Variants in DMD observed in about 807,000 individuals in gnomAD.
DMD encodes the protein dystrophin.
In DMD, 63 loss-of-function variants were observed where a neutral mutation model predicts 330.1. The observed-to-expected ratio is 0.19, with a 90% CI of 0.16 to 0.24. The LOEUF (loss-of-function observed/expected upper bound fraction) is 0.24. Ranked by LOEUF, DMD falls within the 10% of genes least tolerant of loss-of-function variation. The pLI is 1.00. For synonymous variants in DMD, 1,223 were observed against 959.8 expected (o/e 1.27, Z -5.07); for missense variants, 3,344 against 2,684.1 (o/e 1.25, Z -5.43).
chrX:32,952,161 TCTCA>T (rs2091289280), intron 2 of DMD, among the ~76,000 whole-genome samples: 1 of 108,571 alleles, frequency 9.2e-6, no homozygotes, highest in Non-Finnish European at 1.9e-5. Context: ...TGAGACTCAG[TCTCA>T]CTCTGTCGCC....
chrX:32,783,657 C>A (rs776232793), intron 7 of DMD, among the ~76,000 whole-genome samples: 29 of 109,770 alleles, frequency 2.6e-4, no homozygotes, highest in South Asian at 1.2e-3. Context: ...TATTTACGTA[C>A]TATTTATATT....
chrX:33,134,039 A>AT (rs2095513018), intron 1 of DMD, among the ~76,000 whole-genome samples: 1 of 111,820 alleles, frequency 8.9e-6, no homozygotes, highest in African/African-American at 3.3e-5. Flanking sequence ...ACCAAAAATC[A>AT]TTTTAGAATT....
chrX:32,867,948 C>T (rs1236062502), intron 2 of DMD, among the ~76,000 whole-genome samples: 1 of 110,886 alleles, frequency 9.0e-6, no homozygotes, highest in Non-Finnish European at 1.9e-5. Flanking sequence ...GCCAAGATGA[C>T]CAACTAGGAA....
chrX:31,240,109 A>G (rs775274883), intron 63 of DMD, among the ~76,000 whole-genome samples: 1 of 111,223 alleles, frequency 9.0e-6, no homozygotes, highest in Non-Finnish European at 1.9e-5. Context: ...AACTTCGTAC[A>G]TTTATTTCTG....
chrX:32,124,524 T>A (rs2096652541), intron 44 of DMD, among the ~76,000 whole-genome samples: 1 of 112,271 alleles, frequency 8.9e-6, no homozygotes, highest in African/African-American at 3.2e-5. Context: ...GGAGCTCTTT[T>A]TTGGATACAT....
chrX:31,380,985 A>C (rs2060151254), intron 60 of DMD, among the ~76,000 whole-genome samples: 1 of 111,170 alleles, frequency 9.0e-6, no homozygotes, highest in African/African-American at 3.3e-5. Context: ...ATGTCTGACT[A>C]ATCTCCCAAA....
At chrX:32,733,148 G>T (rs1222722408) in intron 7 of DMD, among the ~76,000 whole-genome samples, 1 of 109,107 alleles carries the variant, frequency 9.2e-6, no homozygotes, top group Non-Finnish European at 1.9e-5. Context: ...AACCAACAAA[G>T]ATCAAAAGAG....
At chrX:32,529,290 A>T (rs751719825) in intron 17 of DMD, among the ~76,000 whole-genome samples, 116 of 107,336 alleles carry the variant, frequency 1.1e-3, no homozygotes, top group African/African-American at 3.8e-3. Flanking sequence ...TGTAAAACCA[A>T]GCTGCACCCC....
chrX:32,946,910 A>G (rs969425263), intron 2 of DMD, among the ~76,000 whole-genome samples: 2 of 112,076 alleles, frequency 1.8e-5, no homozygotes, highest in Admixed American at 1.9e-4. Context: ...GGCATCTGTA[A>G]GTTTTAAAGA....
At chrX:32,485,646 T>C (rs188199789) in intron 20 of DMD, among the ~76,000 whole-genome samples, 199 of 106,813 alleles carry the variant, frequency 1.9e-3, no homozygotes, top group Admixed American at 5.0e-3. Flanking sequence ...TACATATGTA[T>C]GTACACACCC....
At chrX:32,732,024 G>A (rs960448046) in intron 7 of DMD, among the ~76,000 whole-genome samples, 6 of 111,463 alleles carry the variant, frequency 5.4e-5, no homozygotes, top group Non-Finnish European at 7.5e-5. Flanking sequence ...AAAACATTTA[G>A]AAGAATGTAT....
At chrX:32,405,444 A>T (rs1194896568) in intron 30 of DMD, among the ~76,000 whole-genome samples, 2 of 111,281 alleles carry the variant, frequency 1.8e-5, no homozygotes, top group Non-Finnish European at 3.8e-5. Context: ...GTACTTTGGA[A>T]ATAATCCTAG....
intron 18 of DMD, among the ~76,000 whole-genome samples, chrX:32,516,137 G>A (rs1313547324): frequency 9.0e-6 from 1 of 111,250 alleles, no homozygotes; most frequent in African/African-American, 3.3e-5. Context: ...CATGACACGA[G>A]CCTGCCATGA....
At chrX:31,158,713 T>C (rs1365898645) in intron 74 of DMD, among the ~76,000 whole-genome samples, 2 of 112,166 alleles carry the variant, frequency 1.8e-5, no homozygotes, top group Non-Finnish European at 3.8e-5. Flanking sequence ...TTATTTCTTA[T>C]AGCACAAAAG....
chrX:32,041,945 T>C (rs1361425513), intron 44 of DMD, among the ~76,000 whole-genome samples: 1 of 101,277 alleles, frequency 9.9e-6, no homozygotes, highest in Non-Finnish European at 2.0e-5. Context: ...GCTAGTTTTA[T>C]TTCTATTTAG....
chrX:31,728,726 T>TG (rs1263402683), intron 52 of DMD, among the ~76,000 whole-genome samples: 1 of 111,290 alleles, frequency 9.0e-6, no homozygotes, highest in East Asian at 2.8e-4. Context: ...AAAAAAAAGA[T>TG]GGCTGAAAGG....
At chrX:32,482,169 A>AT (rs1176532751) in intron 21 of DMD, among the ~76,000 whole-genome samples, 5 of 111,523 alleles carry the variant, frequency 4.5e-5, no homozygotes, top group Admixed American at 3.8e-4. Flanking sequence ...ATAAGGTTTC[A>AT]TTTTTTTCTT....
intron 67 of DMD, among the ~76,000 whole-genome samples, chrX:31,191,191 ATGTG>A (rs34438085): frequency 4.7e-5 from 5 of 107,144 alleles, no homozygotes; most frequent in African/African-American, 1.4e-4. Flanking sequence ...TACAATGTGT[ATGTG>A]TGTGTGTGTG....
intron 1 of DMD, among the ~76,000 whole-genome samples, chrX:33,297,098 G>T (rs912520924): frequency 1.2e-4 from 13 of 111,000 alleles, no homozygotes; most frequent in African/African-American, 4.2e-4. Flanking sequence ...CAAGTTTTAA[G>T]AATTATTATG....
Sources: gnomAD v4.1 joint callset for allele counts (sites outside exome capture counted in the v4.1 genomes callset) on GRCh38, gnomAD v4.1.1 for gene constraint, MANE v1.5 for transcripts, NCBI Gene and HGNC (gene_info 2026-07-23, HGNC 2026-07-21) for gene names.